THSD7B: variants seen among roughly 807,000 people sequenced by gnomAD.
THSD7B encodes thrombospondin type 1 domain containing 7B.
THSD7B carries 138 observed loss-of-function variants against 213.6 expected under a neutral mutation model. The ratio of observed to expected loss-of-function variants is 0.65; its 90% CI spans 0.56 to 0.74. THSD7B has a LOEUF of 0.74. THSD7B is among the 30% of genes least tolerant of loss of function. The probability of loss-of-function intolerance (pLI) is 0.00; values close to 1 mark genes in which losing one functional copy is unlikely to be tolerated. For missense variants in THSD7B, 1,931 were observed against 1,991.5 expected (o/e 0.97, Z 0.58); for synonymous variants, 742 against 687.0 (o/e 1.08, Z -1.25).
intron 21 of THSD7B, among the ~76,000 whole-genome samples, chr2:137,650,808 A>G (rs902620669): frequency 2.6e-5 from 4 of 152,178 alleles, no homozygotes; most frequent in African/African-American, 9.6e-5. Context: ...ATTGAATTTT[A>G]TCAAATGCTC....
chr2:137,467,312 T>C (rs1573642310), intron 15 of THSD7B, among the ~76,000 whole-genome samples: 1 of 152,182 alleles, frequency 6.6e-6, no homozygotes, highest in Non-Finnish European at 1.5e-5. Context: ...ACACCTGGAA[T>C]ACATTTGTTA....
At chr2:137,522,861 C>T (rs1308327303) in intron 15 of THSD7B, among the ~76,000 whole-genome samples, 1 of 152,180 alleles carries the variant, frequency 6.6e-6, no homozygotes, top group Non-Finnish European at 1.5e-5. Context: ...CCAGTTACCA[C>T]CATTTGTGCT....
chr2:137,550,031 G>T (rs1000586370), intron 15 of THSD7B, among the ~76,000 whole-genome samples: 7 of 152,038 alleles, frequency 4.6e-5, no homozygotes, highest in African/African-American at 1.2e-4. Flanking sequence ...AATCCCATCT[G>T]ATTTCTTGCC....
chr2:137,004,178 G>C (rs1686057030), intron 2 of THSD7B, among the ~76,000 whole-genome samples: 1 of 151,994 alleles, frequency 6.6e-6, no homozygotes. Flanking sequence ...CATTATATGA[G>C]GGCACAAAGA....
In THSD7B at chr2:137,055,002, A is replaced by G. The variant is rs560926588; in HGVS notation, c.140-1418A>G. ...TGTGTCCATGTGTTCTCATTGTTCA[A>G]CTCCCACTTATGAGTGAGAACATGC... On this transcript the variant is annotated intron_variant, in intron 2 of 27. Transcript: ENST00000409968. 2.0e-5 allele frequency among the ~76,000 whole-genome samples: 3 copies of G among 151,520 alleles called. No individual in the cohort carries two copies. The East Asian group carries it at 5.8e-4, about 30-fold the overall frequency.
intron 5 of THSD7B, among the ~76,000 whole-genome samples, chr2:137,153,562 A>G (rs889103381): frequency 6.6e-6 from 1 of 152,174 alleles, no homozygotes; most frequent in African/African-American, 2.4e-5. Flanking sequence ...GTTCTAGGAG[A>G]CAGATTTTAT....
At chr2:137,135,166 TA>T (rs1679413917) in intron 5 of THSD7B, among the ~76,000 whole-genome samples, 2 of 152,198 alleles carry the variant, frequency 1.3e-5, no homozygotes, top group African/African-American at 4.8e-5. Flanking sequence ...TTCTAACCCT[TA>T]TATCTCATTA....
At chr2:137,575,223 A>G (rs1681433864) in intron 17 of THSD7B, among the ~76,000 whole-genome samples, 1 of 152,058 alleles carries the variant, frequency 6.6e-6, no homozygotes, top group South Asian at 2.1e-4. Flanking sequence ...TGTATAAAAT[A>G]AATTTCATAA....
chr2:137,303,742 A>ATATATATTTTTT (rs1558749719), intron 12 of THSD7B, among the ~76,000 whole-genome samples: 3 of 117,570 alleles, frequency 2.6e-5, no homozygotes, highest in Admixed American at 1.6e-4. Flanking sequence ...ATATATATTT[A>ATATATATTTTTT]TATATATATA....
chr2:137,570,307 A>C (rs142689375), intron 16 of THSD7B, among the ~76,000 whole-genome samples: 100 of 150,276 alleles, frequency 6.7e-4, no homozygotes, highest in Middle Eastern at 3.4e-3. Context: ...ATTATTAATT[A>C]TTATTATTAT....
chr2:136,769,439 C>T (rs558846812), intron 1 of THSD7B, among the ~76,000 whole-genome samples: 2 of 152,250 alleles, frequency 1.3e-5, no homozygotes, highest in East Asian at 1.9e-4. Context: ...CCCAATTACT[C>T]CGTATCTTTT....
At chr2:136,987,567 CAG>C (rs1685692915) in intron 2 of THSD7B, among the ~76,000 whole-genome samples, 1 of 152,226 alleles carries the variant, frequency 6.6e-6, no homozygotes, top group Admixed American at 6.5e-5. Context: ...AAGGGAGAGA[CAG>C]AGAAGGGCCA....
intron 12 of THSD7B, among the ~76,000 whole-genome samples, chr2:137,313,796 GT>G (rs1366215169): frequency 6.6e-6 from 1 of 152,126 alleles, no homozygotes; most frequent in Admixed American, 6.5e-5. Flanking sequence ...GAAATTCTGG[GT>G]TGAAAATTCT....
At chr2:137,626,599 AT>A (rs1253714370) in intron 20 of THSD7B, among the ~76,000 whole-genome samples, 5 of 151,934 alleles carry the variant, frequency 3.3e-5, no homozygotes, top group African/African-American at 9.7e-5. Context: ...GTATTCTTAT[AT>A]TCCTTTCCTG....
chr2:137,190,891 T>A (rs1449240184), intron 7 of THSD7B, among the ~76,000 whole-genome samples: 2 of 152,218 alleles, frequency 1.3e-5, no homozygotes, highest in African/African-American at 4.8e-5. Flanking sequence ...ACTGACAGTC[T>A]GGCGGCTGTT....
intron 1 of THSD7B, among the ~76,000 whole-genome samples, chr2:136,809,637 C>T (rs189735914): frequency 3.9e-5 from 6 of 152,190 alleles, no homozygotes; most frequent in East Asian, 1.9e-4. Context: ...ACACTCTGGC[C>T]GGTTTTTATT....
intron 2 of THSD7B, among the ~76,000 whole-genome samples, chr2:136,936,517 G>T (rs1684733255): frequency 6.6e-6 from 1 of 152,194 alleles, no homozygotes; most frequent in Non-Finnish European, 1.5e-5. Flanking sequence ...AATGGCATTT[G>T]CCACAACCTG....
rs560332706 is a variant in THSD7B, at chr2:137,196,235, G to A, written c.1723+25297G>A. ...GGAGAAAACATTTAAAAAGCCCTCC[G>A]GCAGAATGCCTCCTCATCCCTAGAG... On this transcript the variant is annotated intron_variant, in intron 7 of 27. Coordinates refer to ENST00000409968, the MANE Select transcript of THSD7B (RefSeq NM_001316349.2). Among the ~76,000 whole-genome samples, 50 of 152,248 alleles carry A rather than the reference G, an allele frequency of 3.3e-4. 1 individual carries two copies. In the Middle Eastern group the frequency reaches 0.014, roughly 41 times the overall value.
chr2:137,136,314 A>G lies in THSD7B; in HGVS notation c.1369+21021A>G, dbSNP rs538716945. ...TAAAGAATAATAAAATTCCCTGAAA[A>G]TGAATTTGGAGGAATGAGACTTTAT... is the stretch of plus-strand genomic sequence containing the variant. On this transcript the variant is annotated intron_variant, in intron 5 of 27. Transcript: ENST00000409968. Among the ~76,000 whole-genome samples, 6 of 152,328 alleles carry G rather than the reference A, an allele frequency of 3.9e-5. No homozygotes were observed. In the South Asian group the frequency reaches 1.2e-3, roughly 32 times the overall value.
Sources: gnomAD v4.1 joint callset for allele counts (sites outside exome capture counted in the v4.1 genomes callset) on GRCh38, gnomAD v4.1.1 for gene constraint, MANE v1.5 for transcripts, NCBI Gene and HGNC (gene_info 2026-07-23, HGNC 2026-07-21) for gene names.